The following SHISA9 variants were observed in gnomAD, a reference collection of about 807,000 sequenced individuals.
SHISA9 encodes protein shisa-9.
Under a neutral mutation model 38.0 loss-of-function variants are expected in SHISA9, and 13 were observed. The observed-to-expected ratio is 0.34, with a 90% CI of 0.22 to 0.54. SHISA9 has a LOEUF of 0.54. Among genes scored for constraint, SHISA9 ranks in the 20% least tolerant of loss-of-function variants. The pLI, the probability that SHISA9 is intolerant of heterozygous loss-of-function variation, is 0.91. For missense variants in SHISA9, 538 were observed against 575.8 expected, an observed-to-expected ratio of 0.93 and a Z score of 0.67; for synonymous variants, 275 against 242.0, an observed-to-expected ratio of 1.14 and a Z score of -1.27.
the SHISA9 span, among the ~76,000 whole-genome samples, chr16:13,312,136 A>T: frequency 6.6e-6 from 1 of 152,254 alleles, no homozygotes; most frequent in Non-Finnish European, 1.5e-5. Flanking sequence ...GTAAAGGGTC[A>T]GATAGCAAAT....
At chr16:13,428,852 G>A in the SHISA9 span, among the ~76,000 whole-genome samples, 3,423 of 148,674 alleles carry the variant, frequency 0.023, 116 homozygotes, top group African/African-American at 0.079. Flanking sequence ...TACAACCTCC[G>A]CCTCCCAGGT....
chr16:13,410,704 G>C, the SHISA9 span, among the ~76,000 whole-genome samples: 1 of 152,200 alleles, frequency 6.6e-6, no homozygotes, highest in Admixed American at 6.5e-5. Context: ...AACATTGGGA[G>C]ATCTCAATAA....
chr16:13,234,648 C>T, intron 4 of SHISA9, among the ~76,000 whole-genome samples: 1 of 152,152 alleles, frequency 6.6e-6, no homozygotes, highest in East Asian at 1.9e-4. Context: ...AGGAAGATCA[C>T]TTAACATGTT....
rs2051409416 is a variant in SHISA9, at chr16:13,238,792, T to C, written c.*3383T>C. 6.8e-6 allele frequency: 1 copy of C among 147,854 alleles called. No homozygotes were observed. The highest frequency in any genetic ancestry group is 6.8e-5 in the Admixed American group (1 of 14,630). 9.2% of individuals were successfully genotyped at this position (147,854 alleles called of 1,614,324 possible). A position where few individuals can be genotyped will look rare whatever the true frequency, so the allele number is the denominator to read the frequency against. ...ATAGGGAAGGTCTTTTTATTCTTTT[T>C]TTTTTAATGTATCCATGGAGTATTT... On this transcript the variant is annotated 3_prime_UTR_variant, in exon 5 of 5. Coordinates refer to ENST00000558583, the MANE Select transcript of SHISA9 (RefSeq NM_001145204.3).
chr16:13,358,463 G>T, the SHISA9 span, among the ~76,000 whole-genome samples: 1 of 152,056 alleles, frequency 6.6e-6, no homozygotes. Context: ...TCTTAGATCA[G>T]CTACCTAATC....
the SHISA9 span, among the ~76,000 whole-genome samples, chr16:13,264,105 G>A: frequency 2.0e-5 from 3 of 151,528 alleles, no homozygotes; most frequent in Admixed American, 6.6e-5. Flanking sequence ...ATGGGTGGCT[G>A]TCATCACCTG....
chr16:13,407,618 G>C, the SHISA9 span, among the ~76,000 whole-genome samples: 121 of 152,266 alleles, frequency 7.9e-4, 3 homozygotes, highest in Admixed American at 7.8e-3. Context: ...GTTTCATTCA[G>C]ATATTCAGGG....
chr16:13,287,564 C>A, the SHISA9 span, among the ~76,000 whole-genome samples: 3 of 152,232 alleles, frequency 2.0e-5, no homozygotes, highest in East Asian at 1.9e-4. Flanking sequence ...GTAAGTCGAT[C>A]CACATGGCCA....
At chr16:13,113,019 G>C (rs764271674) in intron 2 of SHISA9, among the ~76,000 whole-genome samples, 3 of 151,904 alleles carry the variant, frequency 2.0e-5, no homozygotes, top group Non-Finnish European at 4.4e-5. Flanking sequence ...AAACCAGCCT[G>C]TCCAACATGG....
chr16:13,352,072 A>C, the SHISA9 span, among the ~76,000 whole-genome samples: 18 of 152,262 alleles, frequency 1.2e-4, no homozygotes, highest in Admixed American at 4.6e-4. Flanking sequence ...AGGATGTGAT[A>C]GCTGAAGGAG....
chr16:13,188,541 G>C (rs1323978521), intron 2 of SHISA9, among the ~76,000 whole-genome samples: 1 of 151,728 alleles, frequency 6.6e-6, no homozygotes, highest in African/African-American at 2.4e-5. Flanking sequence ...AACACAGCAA[G>C]ACCCCGTCTC....
At chr16:13,152,287 G>A (rs373659399) in intron 2 of SHISA9, among the ~76,000 whole-genome samples, 3 of 152,114 alleles carry the variant, frequency 2.0e-5, no homozygotes, top group Admixed American at 6.5e-5. Context: ...AGTCAGGAGA[G>A]GTTGTCTATG....
chr16:13,235,004 C>T (rs2051367633), intron 4 of SHISA9, 26 bp from the exon 5 acceptor site: 2 of 1,510,038 alleles, frequency 1.3e-6, no homozygotes, highest in East Asian at 5.0e-5. Context: ...TCTTCCCCTT[C>T]TTCATCCACC....
chr16:13,469,904 A>G, the SHISA9 span, among the ~76,000 whole-genome samples: 6 of 152,170 alleles, frequency 3.9e-5, no homozygotes, highest in Non-Finnish European at 5.9e-5. Context: ...CCATTCTCCA[A>G]TAGAAGCTGT....
chr16:13,259,474 G>T, the SHISA9 span, among the ~76,000 whole-genome samples: 2 of 152,232 alleles, frequency 1.3e-5, no homozygotes, highest in African/African-American at 4.8e-5. Context: ...CAGCCCCCAA[G>T]TAGGGACTCT....
At chr16:12,986,351 A>G (rs1162973970) in intron 2 of SHISA9, among the ~76,000 whole-genome samples, 1 of 151,846 alleles carries the variant, frequency 6.6e-6, no homozygotes, top group Non-Finnish European at 1.5e-5. Flanking sequence ...TGGGGAGACG[A>G]GGGTGAAGTA....
At chr16:13,168,924 G>A (rs2050661446) in intron 2 of SHISA9, among the ~76,000 whole-genome samples, 2 of 152,226 alleles carry the variant, frequency 1.3e-5, no homozygotes, top group Admixed American at 6.5e-5. Flanking sequence ...CGCATGCATC[G>A]TGCCTGGCAG....
intron 2 of SHISA9, among the ~76,000 whole-genome samples, chr16:13,122,438 A>G (rs1470087102): frequency 6.6e-6 from 1 of 152,200 alleles, no homozygotes; most frequent in African/African-American, 2.4e-5. Flanking sequence ...TCTCTGTGCT[A>G]CAGGAAGGCA....
At chr16:13,457,709 A>G in the SHISA9 span, among the ~76,000 whole-genome samples, 1 of 151,890 alleles carries the variant, frequency 6.6e-6, no homozygotes, top group Non-Finnish European at 1.5e-5. Context: ...CTGGCTACTC[A>G]GCCACCAACA....
Sources: gnomAD v4.1 joint callset for allele counts (sites outside exome capture counted in the v4.1 genomes callset) on GRCh38, gnomAD v4.1.1 for gene constraint, MANE v1.5 for transcripts, NCBI Gene and HGNC (gene_info 2026-07-23, HGNC 2026-07-21) for gene names.